Variants in GREB1L observed in about 807,000 individuals in gnomAD.
The protein encoded by GREB1L is GREB1 like retinoic acid receptor coactivator.
In GREB1L, 17 loss-of-function variants were observed where a neutral mutation model predicts 200.8. That is an observed-to-expected ratio of 0.08 (90% CI 0.06 to 0.13). GREB1L has a LOEUF of 0.13. Among genes scored for constraint, GREB1L ranks in the 10% least tolerant of loss-of-function variants. The pLI, the probability that GREB1L is intolerant of heterozygous loss-of-function variation, is 1.00. For missense variants in GREB1L, 1,657 were observed against 2,367.7 expected, an observed-to-expected ratio of 0.70 and a Z score of 6.23; for synonymous variants, 789 against 893.0, an observed-to-expected ratio of 0.88 and a Z score of 2.08.
chr18:21,379,699 A>G (rs2040224935), intron 2 of GREB1L, among the ~76,000 whole-genome samples: 1 of 152,206 alleles, frequency 6.6e-6, no homozygotes, highest in Non-Finnish European at 1.5e-5. Context: ...CTCTTTAGCA[A>G]GGAAGGTGAA....
chr18:21,448,100 T>G (rs1356552183), intron 11 of GREB1L, among the ~76,000 whole-genome samples: 1 of 149,866 alleles, frequency 6.7e-6, no homozygotes, highest in Non-Finnish European at 1.5e-5. Context: ...AGGTGGAGGT[T>G]GCAGTGAGCC....
At chr18:21,286,741 G>A (rs940797324) in intron 1 of GREB1L, among the ~76,000 whole-genome samples, 1 of 152,148 alleles carries the variant, frequency 6.6e-6, no homozygotes, top group African/African-American at 2.4e-5. Context: ...CAAGTGATCT[G>A]CCTGCCTTGG....
intron 15 of GREB1L, chr18:21,468,733 T>C (rs761473367): frequency 7.9e-5 from 36 of 456,542 alleles, no homozygotes; most frequent in Non-Finnish European, 1.5e-4. Flanking sequence ...CAGGTTCCAG[T>C]CCAGGTTCAC....
chr18:21,268,518 T>TACACAC lies in GREB1L; in HGVS notation c.-120+26126_-120+26127insCACACA, dbSNP rs1158925252. Among the ~76,000 whole-genome samples the TACACAC allele has an allele frequency of 3.0e-4, 23 of 77,284 alleles. No individual in the cohort carries two copies. The East Asian group carries it at 4.3e-3, about 14-fold the overall frequency. 50.7% of individuals were successfully genotyped at this position (77,284 alleles called of 152,430 possible). On this transcript the variant is annotated intron_variant, in intron 1 of 32. Coordinates refer to ENST00000424526, the MANE Select transcript of GREB1L (RefSeq NM_001142966.3). The stretch of plus-strand genomic sequence containing the variant: ...ATATATACATATATATATGTATATA[T>TACACAC]ATATACACACACACACACACACACA...
chr18:21,253,249 ATTTTT>A (rs66924517), intron 1 of GREB1L, among the ~76,000 whole-genome samples: 1 of 127,160 alleles, frequency 7.9e-6, no homozygotes, highest in Non-Finnish European at 1.7e-5. Context: ...TATTTCAAGA[ATTTTT>A]TTTTTTTTTT....
At chr18:21,320,481 G>A (rs1276617428) in intron 1 of GREB1L, among the ~76,000 whole-genome samples, 2 of 152,082 alleles carry the variant, frequency 1.3e-5, no homozygotes, top group African/African-American at 4.8e-5. Flanking sequence ...TAAAACTATT[G>A]GACCAGGCGT....
chr18:21,411,400 G>T (rs1047456650), intron 7 of GREB1L, among the ~76,000 whole-genome samples: 17 of 151,892 alleles, frequency 1.1e-4, no homozygotes, highest in African/African-American at 3.9e-4. Context: ...TAGAGACGGG[G>T]TTTCACCATG....
intron 1 of GREB1L, among the ~76,000 whole-genome samples, chr18:21,280,901 A>G (rs2144439224): frequency 6.6e-6 from 1 of 152,302 alleles, no homozygotes; most frequent in Middle Eastern, 3.4e-3. Context: ...TAGATTCTAC[A>G]GAGAGAAACC....
chr18:21,451,232 G>A, intron 13 of GREB1L, 81 bp downstream of exon 13: 1 of 1,428,324 alleles, frequency 7.0e-7, no homozygotes, highest in Non-Finnish European at 9.5e-7. Flanking sequence ...CTGTCAAGAT[G>A]AGTGTGGAGC....
chr18:21,449,413 A>T, intron 11 of GREB1L, 97 bp from the exon 12 acceptor site: 1 of 700,382 alleles, frequency 1.4e-6, no homozygotes, highest in Non-Finnish European at 2.3e-6. Flanking sequence ...TGGAGTATGT[A>T]TGATGGGCTG....
intron 23 of GREB1L, among the ~76,000 whole-genome samples, chr18:21,503,570 CATTATTATTATT>C (rs1179762209): frequency 2.2e-5 from 3 of 139,280 alleles, no homozygotes; most frequent in Admixed American, 1.5e-4. Flanking sequence ...ACTTTATTAT[CATTATTATTATT>C]ATTATTATTT....
At chr18:21,505,360 T>C in intron 23 of GREB1L, 52 bp from the exon 24 acceptor site, 1 of 1,494,792 alleles carries the variant, frequency 6.7e-7, no homozygotes, top group Non-Finnish European at 9.0e-7. Context: ...CTCTGACACA[T>C]GGGGAAGAGG....
chr18:21,326,951 C>G (rs745738465), intron 1 of GREB1L, among the ~76,000 whole-genome samples: 3 of 151,908 alleles, frequency 2.0e-5, no homozygotes, highest in Non-Finnish European at 4.4e-5. Context: ...TTTCACCTGG[C>G]TGTATCAGGC....
chr18:21,296,350 G>C (rs1168155208), intron 1 of GREB1L, among the ~76,000 whole-genome samples: 1 of 152,162 alleles, frequency 6.6e-6, no homozygotes, highest in Admixed American at 6.5e-5. Flanking sequence ...AATATCACAT[G>C]TTCTCATTTA....
intron 1 of GREB1L, among the ~76,000 whole-genome samples, chr18:21,280,240 G>A (rs756206777): frequency 6.6e-6 from 1 of 152,148 alleles, no homozygotes; most frequent in African/African-American, 2.4e-5. Flanking sequence ...GCAACCATAG[G>A]TCTTACTGCC....
chr18:21,265,956 A>T lies in GREB1L; in HGVS notation c.-120+23563A>T, dbSNP rs147382227. Among the ~76,000 whole-genome samples, 222 of 152,338 alleles carry T rather than the reference A, an allele frequency of 1.5e-3. 2 individuals carry two copies. Among genetic ancestry groups the T allele is most frequent in the African/African-American group, 5.1e-3 (214 of 41,578 alleles). On this transcript the variant is annotated intron_variant, in intron 1 of 32. Coordinates refer to ENST00000424526, the MANE Select transcript of GREB1L (RefSeq NM_001142966.3). Reference sequence around the variant, plus strand: ...TTTTCTTCCAAGAAATAATTAAGAGACTAGGCAGCTGGCTGAATGGAAAAA... The same window carrying T: ...TTTTCTTCCAAGAAATAATTAAGAGTCTAGGCAGCTGGCTGAATGGAAAAA...
Position 21,508,528 on chromosome 18 carries a change from C to A in GREB1L, c.4672C>A (p.Arg1558Ser), listed in dbSNP as rs1045574508. Residue 1558 changes from arginine to serine, a missense_variant, in exon 27 of 33, where the codon CGC (arginine) becomes AGC (serine). Coordinates refer to ENST00000424526, the MANE Select transcript of GREB1L (RefSeq NM_001142966.3). ...VVKEYEMPLY[R>S]KYWPNHIMLV... The stretch of plus-strand genomic sequence containing the variant: ...CAAAGAGTATGAGATGCCTCTGTAC[C>A]GCAAGTACTGGCCCAACCACATCAT... The A allele has an allele frequency of 1.9e-5, 29 of 1,551,614 alleles. No homozygotes were observed. The highest frequency in any genetic ancestry group is 2.5e-5 in the Non-Finnish European group (29 of 1,147,054).
At chr18:21,522,326 T>A in intron 32 of GREB1L, among the ~76,000 whole-genome samples, 1 of 151,624 alleles carries the variant, frequency 6.6e-6, no homozygotes, top group Non-Finnish European at 1.5e-5. Context: ...AAAAAAAAAT[T>A]AGCTGGGCCT....
At chr18:21,419,452 T>C (rs1264344883) in intron 7 of GREB1L, among the ~76,000 whole-genome samples, 1 of 152,126 alleles carries the variant, frequency 6.6e-6, no homozygotes, top group Non-Finnish European at 1.5e-5. Context: ...GACAACTGAC[T>C]TTTTGTTTTT....
Sources: allele counts gnomAD v4.1 joint callset (sites outside exome capture counted in the v4.1 genomes callset), GRCh38; gene constraint gnomAD v4.1.1; transcripts MANE v1.5; gene names NCBI Gene and HGNC (gene_info 2026-07-23, HGNC 2026-07-21).